Variants in GRIA3 observed in about 807,000 individuals in gnomAD.
GRIA3 encodes the protein glutamate ionotropic receptor AMPA type subunit 3.
A neutral mutation model predicts 63.0 loss-of-function variants in GRIA3; 3 were observed. The observed-to-expected ratio is 0.05, with a 90% CI of 0.02 to 0.12. The LOEUF (loss-of-function observed/expected upper bound fraction) is 0.12, where lower values mean the gene tolerates loss of function less well. Among genes scored for constraint, GRIA3 ranks in the 10% least tolerant of loss-of-function variants. The pLI is 1.00. For missense variants in GRIA3, 347 were observed against 700.9 expected (o/e 0.50, Z 5.70); for synonymous variants, 274 against 257.9 (o/e 1.06, Z -0.60).
rs182198437 is a variant in GRIA3 at position 123,381,161 on chromosome X, A to C, written c.751-13807A>C. On this transcript the variant is annotated intron_variant, in intron 5 of 15. Coordinates refer to ENST00000620443, the MANE Select transcript of GRIA3 (RefSeq NM_007325.5). ...TGTTAGTGTCTTTAGGGAGGTTTTA[A>C]GAAACTCAGCTTCAGTTTTATCTCC... Among the ~76,000 whole-genome samples, 212 of 111,535 alleles carry C rather than the reference A, an allele frequency of 1.9e-3. 2 individuals are homozygous for C. The highest frequency in any genetic ancestry group is 6.7e-3 in the African/African-American group (206 of 30,721).
At chrX:123,328,923 A>G (rs1268046830) in intron 4 of GRIA3, among the ~76,000 whole-genome samples, 1 of 112,450 alleles carries the variant, frequency 8.9e-6, no homozygotes, top group Non-Finnish European at 1.9e-5. Context: ...CAACTTCAAC[A>G]TGATATTTAT....
intron 14 of GRIA3, 121 bp downstream of exon 14, chrX:123,480,298 A>G (rs1425176929): frequency 2.0e-6 from 1 of 511,324 alleles, no homozygotes; most frequent in East Asian, 3.8e-5. Context: ...GGACCCCTTT[A>G]TAACAACAGT....
chrX:123,226,004 T>A (rs1427327819), intron 2 of GRIA3, among the ~76,000 whole-genome samples: 1 of 111,709 alleles, frequency 9.0e-6, no homozygotes, highest in Admixed American at 9.5e-5. Flanking sequence ...AATATCCCTT[T>A]AAAAAGCCAA....
chrX:123,438,995 G>A (rs1160623585), intron 12 of GRIA3, among the ~76,000 whole-genome samples: 6 of 111,987 alleles, frequency 5.4e-5, no homozygotes, highest in Admixed American at 3.8e-4. Flanking sequence ...GTTTCATCTT[G>A]ATATCATGAA....
intron 13 of GRIA3, among the ~76,000 whole-genome samples, chrX:123,479,460 G>C (rs901958386): frequency 8.9e-6 from 1 of 112,449 alleles, no homozygotes; most frequent in Non-Finnish European, 1.9e-5. Context: ...TGTTTGTGGA[G>C]TAAGAACATG....
At chrX:123,276,540 A>G (rs938394137) in intron 3 of GRIA3, among the ~76,000 whole-genome samples, 1 of 112,092 alleles carries the variant, frequency 8.9e-6, no homozygotes, top group East Asian at 2.8e-4. Flanking sequence ...CATGGATTTT[A>G]TCTTATGTCA....
intron 4 of GRIA3, among the ~76,000 whole-genome samples, chrX:123,327,510 A>G (rs1400175446): frequency 9.0e-6 from 1 of 111,411 alleles, no homozygotes; most frequent in Non-Finnish European, 1.9e-5. Flanking sequence ...ATTGCCTGGG[A>G]GAGCTGTTTT....
intron 13 of GRIA3, among the ~76,000 whole-genome samples, chrX:123,471,408 T>C (rs1175818835): frequency 8.9e-6 from 1 of 112,555 alleles, no homozygotes; most frequent in East Asian, 2.8e-4. Context: ...ATGGTTTCTA[T>C]GATTAGGACA....
chrX:123,362,697 C>T (rs1410901325), intron 5 of GRIA3, among the ~76,000 whole-genome samples: 1 of 103,505 alleles, frequency 9.7e-6, no homozygotes, highest in Non-Finnish European at 2.0e-5. Context: ...ATAAATTATA[C>T]CTCAATGAAG....
At chrX:123,239,632 A>G (rs2044319405) in intron 2 of GRIA3, among the ~76,000 whole-genome samples, 1 of 112,193 alleles carries the variant, frequency 8.9e-6, no homozygotes, top group Non-Finnish European at 1.9e-5. Flanking sequence ...TTGCTAGTAC[A>G]ATGCCTAAAA....
At chrX:123,375,944 T>C (rs929965859) in intron 5 of GRIA3, among the ~76,000 whole-genome samples, 13 of 112,445 alleles carry the variant, frequency 1.2e-4, no homozygotes, top group African/African-American at 4.2e-4. Context: ...CTTCAAGTGG[T>C]CATCTCAAGA....
chrX:123,284,813 T>C (rs769105358), intron 3 of GRIA3, among the ~76,000 whole-genome samples: 3 of 111,619 alleles, frequency 2.7e-5, no homozygotes, highest in Non-Finnish European at 5.6e-5. Flanking sequence ...TGGAACCAAG[T>C]TGGAAAACAC....
intron 10 of GRIA3, among the ~76,000 whole-genome samples, chrX:123,410,213 A>C (rs1210181955): frequency 9.0e-6 from 1 of 111,570 alleles, no homozygotes; most frequent in South Asian, 3.8e-4. Context: ...CTAAGGGAAA[A>C]AGAGAGTCAG....
At chrX:123,308,513 C>G (rs983788076) in intron 3 of GRIA3, among the ~76,000 whole-genome samples, 3 of 111,968 alleles carry the variant, frequency 2.7e-5, no homozygotes, top group African/African-American at 9.7e-5. Context: ...TGAAATAAGA[C>G]ATTGTGGCAC....
At chrX:123,360,887 A>T (rs1193673702) in intron 5 of GRIA3, among the ~76,000 whole-genome samples, 11 of 104,361 alleles carry the variant, frequency 1.1e-4, no homozygotes, top group Non-Finnish European at 2.2e-4. Flanking sequence ...ACACACACAC[A>T]CACACACACA....
At position 123,447,680 on chromosome X, in the gene GRIA3, T is replaced by C. The variant is rs141596506; in HGVS notation, c.2077-17185T>C. ...CTTGCAAATCTGCAATTTGGCAGCA[T>C]TTATTTCTGTTTGGGGCTTTTGGTA... On this transcript the variant is annotated intron_variant, in intron 12 of 15. Transcript: ENST00000620443. Among the ~76,000 whole-genome samples the C allele has an allele frequency of 4.2e-3, 468 of 112,319 alleles. 1 individual carries two copies. Among genetic ancestry groups the C allele is most frequent in the African/African-American group, 0.014 (444 of 30,948 alleles).
intron 4 of GRIA3, among the ~76,000 whole-genome samples, chrX:123,350,824 G>C (rs1037977980): frequency 8.9e-6 from 1 of 112,198 alleles, no homozygotes; most frequent in African/African-American, 3.2e-5. Context: ...CAGTGAATAA[G>C]GATTGTGGCA....
At chrX:123,273,682 T>C (rs767043713) in intron 3 of GRIA3, among the ~76,000 whole-genome samples, 5 of 112,173 alleles carry the variant, frequency 4.5e-5, no homozygotes, top group African/African-American at 1.6e-4. Context: ...TCCTATCATA[T>C]AGATGACTTT....
intron 6 of GRIA3, among the ~76,000 whole-genome samples, 171 bp downstream of exon 6, chrX:123,395,300 G>T (rs182186343): frequency 1.8e-5 from 2 of 112,212 alleles, no homozygotes; most frequent in East Asian, 5.6e-4. Flanking sequence ...CTAAACCCCT[G>T]AATAAAGAAG....
Sources: gnomAD v4.1 joint callset for allele counts (sites outside exome capture counted in the v4.1 genomes callset) on GRCh38, gnomAD v4.1.1 for gene constraint, MANE v1.5 for transcripts, NCBI Gene and HGNC (gene_info 2026-07-23, HGNC 2026-07-21) for gene names.